PTCSC3: variants seen among roughly 807,000 people sequenced by gnomAD.
PTCSC3 encodes papillary thyroid carcinoma susceptibility candidate 3, also known as papillary thyroid carcinoma susceptibility candidate 3 (non-protein coding).
At chr14:36,136,631 A>G (rs1240520591) in intron 3 of PTCSC3, among the ~76,000 whole-genome samples, 1 of 152,144 alleles carries the variant, frequency 6.6e-6, no homozygotes, top group Non-Finnish European at 1.5e-5. Context: ...TTTACCCAGT[A>G]ATTATGCTTA....
downstream of PTCSC3, chr14:36,136,045 T>G (rs1348180941): frequency 6.6e-6 from 1 of 152,156 alleles, no homozygotes; most frequent in Non-Finnish European, 1.5e-5. Context: ...ACTGAAAAAC[T>G]TGGAGTCTGA....
chr14:36,172,416 A>G (rs1447206593), intron 1 of PTCSC3, among the ~76,000 whole-genome samples: 1 of 152,096 alleles, frequency 6.6e-6, no homozygotes, highest in African/African-American at 2.4e-5. Context: ...CTTTTCTTAA[A>G]TTAACAGGAA....
intron 3 of PTCSC3, among the ~76,000 whole-genome samples, chr14:36,152,279 A>C (rs913371649): frequency 2.6e-5 from 4 of 152,118 alleles, no homozygotes; most frequent in Non-Finnish European, 2.9e-5. Flanking sequence ...TAAAAAAAAA[A>C]CTTTTTTTCA....
intron 1 of PTCSC3, among the ~76,000 whole-genome samples, chr14:36,167,985 C>T (rs1431052600): frequency 6.6e-6 from 1 of 151,954 alleles, no homozygotes; most frequent in Non-Finnish European, 1.5e-5. Flanking sequence ...CAAAAAGACA[C>T]CCCCTCCCTC....
chr14:36,142,921 T>C (rs1881460933), intron 3 of PTCSC3, among the ~76,000 whole-genome samples: 1 of 151,518 alleles, frequency 6.6e-6, no homozygotes, highest in South Asian at 2.1e-4. Context: ...GGTTTTTTGT[T>C]ATTGCGATAG....
intron 3 of PTCSC3, among the ~76,000 whole-genome samples, chr14:36,137,114 G>C (rs1881305538): frequency 6.6e-6 from 1 of 152,126 alleles, no homozygotes; most frequent in African/African-American, 2.4e-5. Flanking sequence ...GGTGGATAAG[G>C]ATGGCTTCAC....
intron 1 of PTCSC3, chr14:36,165,066 T>C (rs1343764506): frequency 1.3e-5 from 2 of 152,358 alleles, no homozygotes; most frequent in Non-Finnish European, 2.9e-5. Context: ...AGAGCCGCAG[T>C]GGTCCATTGA....
intron 3 of PTCSC3, among the ~76,000 whole-genome samples, chr14:36,145,275 G>C (rs1203149468): frequency 6.6e-6 from 1 of 150,664 alleles, no homozygotes; most frequent in Non-Finnish European, 1.5e-5. Context: ...ATTCGGCTGT[G>C]AATCCATCTG....
intron 3 of PTCSC3, among the ~76,000 whole-genome samples, chr14:36,150,138 G>T (rs1035123019): frequency 1.3e-5 from 2 of 152,056 alleles, no homozygotes; most frequent in African/African-American, 2.4e-5. Context: ...CTTTTAACTG[G>T]TATATTTAGG....
intron 3 of PTCSC3, among the ~76,000 whole-genome samples, chr14:36,147,471 T>G (rs892985268): frequency 1.3e-5 from 2 of 152,248 alleles, no homozygotes; most frequent in Admixed American, 1.3e-4. Context: ...CTGAGGCTTC[T>G]GCATTCTTCA....
Position 36,147,735 on chromosome 14 carries a change from G to A in PTCSC3, n.322+6069C>T, listed in dbSNP as rs374594602. ...TGCGTTCCTTTGGAGGAGGAGAGGCGCTCTGCTTTTTAGAGTTTCCAGTTT... is the reference window on the plus strand; with the variant it reads ...TGCGTTCCTTTGGAGGAGGAGAGGCACTCTGCTTTTTAGAGTTTCCAGTTT... On this transcript the variant is annotated intron_variant and non_coding_transcript_variant, in intron 3 of 3. Coordinates refer to ENST00000556013, the Ensembl canonical transcript of PTCSC3. 1.3e-4 allele frequency among the ~76,000 whole-genome samples: 20 copies of A among 152,096 alleles called. 1 individual carries two copies. Among genetic ancestry groups the A allele is most frequent in the African/African-American group, 3.6e-4 (15 of 41,464 alleles).
chr14:36,136,621 T>C (rs1196853519), intron 3 of PTCSC3, among the ~76,000 whole-genome samples: 1 of 152,132 alleles, frequency 6.6e-6, no homozygotes, highest in Admixed American at 6.6e-5. Context: ...ATTTATTCTA[T>C]TTACCCAGTA....
At chr14:36,151,741 A>C (rs1881729262) in intron 3 of PTCSC3, among the ~76,000 whole-genome samples, 1 of 152,230 alleles carries the variant, frequency 6.6e-6, no homozygotes, top group Non-Finnish European at 1.5e-5. Context: ...ATCAGGTCAG[A>C]TAAGGCTGTG....
At chr14:36,158,718 T>C (rs918561680) in intron 2 of PTCSC3, among the ~76,000 whole-genome samples, 1 of 152,174 alleles carries the variant, frequency 6.6e-6, no homozygotes, top group African/African-American at 2.4e-5. Flanking sequence ...AATTTTCGTT[T>C]TTGGTTGTGT....
chr14:36,165,898 C>A (rs905987389), intron 1 of PTCSC3, among the ~76,000 whole-genome samples: 1 of 151,934 alleles, frequency 6.6e-6, no homozygotes, highest in Non-Finnish European at 1.5e-5. Flanking sequence ...ACTTGCTTAG[C>A]GGTTTTGTGA....
At chr14:36,166,170 G>A (rs886619819) in intron 1 of PTCSC3, among the ~76,000 whole-genome samples, 2 of 152,140 alleles carry the variant, frequency 1.3e-5, no homozygotes, top group African/African-American at 4.8e-5. Flanking sequence ...GCTATTGTGT[G>A]CAGGATTTCA....
chr14:36,158,163 T>A (rs1881871273), intron 2 of PTCSC3, among the ~76,000 whole-genome samples: 1 of 152,324 alleles, frequency 6.6e-6, no homozygotes, highest in East Asian at 1.9e-4. Flanking sequence ...GCTGAGATGA[T>A]GGGGTTTTCT....
intron 3 of PTCSC3, among the ~76,000 whole-genome samples, chr14:36,139,589 A>T (rs1045265446): frequency 1.3e-5 from 2 of 152,178 alleles, no homozygotes; most frequent in Non-Finnish European, 2.9e-5. Context: ...CAACATGTGT[A>T]TCTATGAATA....
At chr14:36,162,095 G>A (rs567268309) in intron 2 of PTCSC3, among the ~76,000 whole-genome samples, 116 of 152,148 alleles carry the variant, frequency 7.6e-4, no homozygotes, top group African/African-American at 2.6e-3. Flanking sequence ...ACTTCAGACT[G>A]CTGTGCTGGC....
Sources: gnomAD v4.1 joint callset for allele counts (sites outside exome capture counted in the v4.1 genomes callset) on GRCh38, gnomAD v4.1.1 for gene constraint, MANE v1.5 for transcripts, NCBI Gene and HGNC (gene_info 2026-07-23, HGNC 2026-07-21) for gene names.